Variants in PIK3C2G observed in about 807,000 individuals in gnomAD.
PIK3C2G encodes phosphatidylinositol-4-phosphate 3-kinase catalytic subunit type 2 gamma, also known as phosphatidylinositol 3-kinase C2 domain-containing subunit gamma.
A neutral mutation model predicts 181.1 loss-of-function variants in PIK3C2G; 168 were observed. The ratio of observed to expected loss-of-function variants is 0.93; its 90% confidence interval spans 0.82 to 1.05. The LOEUF (loss-of-function observed/expected upper bound fraction) is 1.05. PIK3C2G is among the 50% of genes least tolerant of loss of function. The pLI, the probability that PIK3C2G is intolerant of heterozygous loss-of-function variation, is 0.00. For missense variants in PIK3C2G, 1,869 were observed against 1,732.8 expected (o/e 1.08, Z -1.40); for synonymous variants, 573 against 592.2 (o/e 0.97, Z 0.47).
intron 29 of PIK3C2G, among the ~76,000 whole-genome samples, chr12:18,582,607 G>C (rs1319315659): frequency 6.6e-6 from 1 of 152,168 alleles, no homozygotes; most frequent in Non-Finnish European, 1.5e-5. Flanking sequence ...AGCAGCAATG[G>C]TGTGCAGGCT....
chr12:18,278,608 T>C (rs1949083215), intron 1 of PIK3C2G, among the ~76,000 whole-genome samples: 1 of 152,144 alleles, frequency 6.6e-6, no homozygotes. Context: ...AGTTCTGCAG[T>C]CTTAGTTAAA....
the PIK3C2G span, among the ~76,000 whole-genome samples, chr12:18,691,567 G>T: frequency 1.3e-5 from 2 of 152,142 alleles, no homozygotes; most frequent in African/African-American, 4.8e-5. Context: ...TCACTTGGAA[G>T]GTAGGGGGTA....
intron 1 of PIK3C2G, among the ~76,000 whole-genome samples, chr12:18,264,445 G>A (rs1948388795): frequency 6.6e-6 from 1 of 151,950 alleles, no homozygotes; most frequent in African/African-American, 2.4e-5. Context: ...TTCCATTAAT[G>A]GTAATGTCCT....
the PIK3C2G span, among the ~76,000 whole-genome samples, chr12:18,704,365 G>A: frequency 6.6e-6 from 1 of 151,850 alleles, no homozygotes; most frequent in Non-Finnish European, 1.5e-5. Context: ...TGTTCTTTTT[G>A]CCCAGGCTGG....
At chr12:18,501,414 C>G (rs1430378939) in intron 22 of PIK3C2G, among the ~76,000 whole-genome samples, 1 of 152,102 alleles carries the variant, frequency 6.6e-6, no homozygotes, top group Non-Finnish European at 1.5e-5. Context: ...GAAAACTGTC[C>G]ACATGATCTG....
the PIK3C2G span, among the ~76,000 whole-genome samples, chr12:18,691,161 CG>C: frequency 6.6e-6 from 1 of 152,148 alleles, no homozygotes; most frequent in South Asian, 2.1e-4. Flanking sequence ...CAGAATTTAA[CG>C]TTGGTCTGGA....
Position 18,261,569 on chromosome 12 carries a change from A to G in PIK3C2G, c.-87A>G, listed in dbSNP as rs1326229604. 6.6e-6 allele frequency: 1 copy of G among 152,134 alleles called. No homozygotes were observed. The highest frequency in any genetic ancestry group is 1.5e-5 in the Non-Finnish European group (1 of 68,000). 9.4% of individuals were successfully genotyped at this position (152,134 alleles called of 1,614,324 possible). ...ATCGTGTTTCATTTCAGGAAGATAT[A>G]TGCGTCAGGTAAGAAACTAAAACAA... On this transcript the variant is annotated 5_prime_UTR_variant, in exon 1 of 33. In the 5' UTR this introduces an upstream ATG that the reference lacks. Transcript: ENST00000538779.
intron 24 of PIK3C2G, among the ~76,000 whole-genome samples, chr12:18,521,079 T>A (rs1942883507): frequency 6.6e-6 from 1 of 152,104 alleles, no homozygotes; most frequent in Non-Finnish European, 1.5e-5. Context: ...TGTGGAGATG[T>A]CACTCGAGAA....
At chr12:18,678,408 C>T in the PIK3C2G span, among the ~76,000 whole-genome samples, 1 of 151,962 alleles carries the variant, frequency 6.6e-6, no homozygotes, top group Non-Finnish European at 1.5e-5. Context: ...CAATTTGATT[C>T]GTTTTGACAT....
At chr12:18,418,754 C>T (rs71461092) in intron 16 of PIK3C2G, among the ~76,000 whole-genome samples, 4,617 of 152,108 alleles carry the variant, frequency 0.03, 79 homozygotes, top group South Asian at 0.081. Flanking sequence ...TATTCAACTG[C>T]GCTTGGGCTA....
chr12:18,386,672 G>A (rs929176396), intron 14 of PIK3C2G, among the ~76,000 whole-genome samples: 3 of 151,910 alleles, frequency 2.0e-5, no homozygotes, highest in African/African-American at 7.3e-5. Flanking sequence ...TTACATTATT[G>A]TAATATGCAC....
chr12:18,704,331 C>CT, the PIK3C2G span, among the ~76,000 whole-genome samples: 3 of 151,864 alleles, frequency 2.0e-5, no homozygotes, highest in Non-Finnish European at 4.4e-5. Flanking sequence ...TAATTCCTTT[C>CT]TTTTTTTCAA....
chr12:18,502,880 T>C (rs1401973931), intron 22 of PIK3C2G, among the ~76,000 whole-genome samples: 1 of 152,184 alleles, frequency 6.6e-6, no homozygotes, highest in African/African-American at 2.4e-5. Context: ...ATGTTTGTTA[T>C]GGAGAGTGTA....
intron 16 of PIK3C2G, among the ~76,000 whole-genome samples, chr12:18,414,682 AATAG>A (rs554498886): frequency 1.6e-3 from 241 of 152,062 alleles, no homozygotes; most frequent in African/African-American, 5.2e-3. Flanking sequence ...CCAAAAGGTA[AATAG>A]ATAGATCAAA....
At chr12:18,350,575 A>G (rs1940129717) in intron 11 of PIK3C2G, among the ~76,000 whole-genome samples, 1 of 152,166 alleles carries the variant, frequency 6.6e-6, no homozygotes, top group South Asian at 2.1e-4. Context: ...CTTTGCCATT[A>G]AAAGGTACAT....
the PIK3C2G span, among the ~76,000 whole-genome samples, chr12:18,677,352 G>A: frequency 5.3e-5 from 8 of 152,196 alleles, no homozygotes; most frequent in East Asian, 9.7e-4. Context: ...CAATCAAACC[G>A]GTAATGAATA....
intron 18 of PIK3C2G, among the ~76,000 whole-genome samples, chr12:18,442,529 G>A (rs1163899491): frequency 6.6e-6 from 1 of 152,032 alleles, no homozygotes; most frequent in Non-Finnish European, 1.5e-5. Flanking sequence ...CTTAGAAGAG[G>A]GGTTTTGAAA....
chr12:18,560,265 T>C (rs1945280255), intron 26 of PIK3C2G, among the ~76,000 whole-genome samples: 1 of 151,866 alleles, frequency 6.6e-6, no homozygotes, highest in Admixed American at 6.6e-5. Flanking sequence ...GTGACCATGG[T>C]TGAAAGTCAT....
chr12:18,586,699 T>C (rs1946800576), intron 29 of PIK3C2G, among the ~76,000 whole-genome samples: 1 of 152,018 alleles, frequency 6.6e-6, no homozygotes, highest in African/African-American at 2.4e-5. Context: ...GAAGAGACTT[T>C]TCCCCAGTTC....
Sources: allele counts gnomAD v4.1 joint callset (sites outside exome capture counted in the v4.1 genomes callset), GRCh38; gene constraint gnomAD v4.1.1; transcripts MANE v1.5; gene names NCBI Gene and HGNC (gene_info 2026-07-23, HGNC 2026-07-21).